MYO1E: variants seen among roughly 807,000 people sequenced by gnomAD.
The protein encoded by MYO1E is unconventional myosin-Ie.
Under a neutral mutation model 151.1 loss-of-function variants are expected in MYO1E, and 68 were observed. The ratio of observed to expected loss-of-function variants is 0.45; its 90% CI spans 0.37 to 0.55. The LOEUF is 0.55. Ranked by LOEUF, MYO1E falls within the 20% of genes least tolerant of loss-of-function variation. The pLI is 0.00. For synonymous variants in MYO1E, 601 were observed against 501.7 expected, an observed-to-expected ratio of 1.20 and a Z score of -2.64; for missense variants, 1,363 against 1,389.3, an observed-to-expected ratio of 0.98 and a Z score of 0.30.
chr15:59,348,705 C>G (rs1242653286), intron 1 of MYO1E: 1 of 151,244 alleles, frequency 6.6e-6, no homozygotes, highest in Non-Finnish European at 1.5e-5. Flanking sequence ...GATCACAGTT[C>G]ACTGCAACCT....
rs2080651330 is a variant in MYO1E, at chr15:59,324,663, G to GCCCCCACCCCC, written c.3+47834_3+47835insGGGGGTGGGGG. 1.4e-5 allele frequency among the ~76,000 whole-genome samples: 2 copies of GCCCCCACCCCC among 147,992 alleles called. 1 individual carries two copies. Among genetic ancestry groups the GCCCCCACCCCC allele is most frequent in the African/African-American group, 5.1e-5 (2 of 39,350 alleles). On this transcript the variant is annotated intron_variant, in intron 1 of 27. Transcript: ENST00000288235. ...CTCGCCGTATTTATCCCCATCCCAA[G>GCCCCCACCCCC]CCCCCCCCCCACAGAGGGCAGCATA...
intron 1 of MYO1E, among the ~76,000 whole-genome samples, chr15:59,329,583 T>C (rs1251038034): frequency 6.6e-6 from 1 of 152,122 alleles, no homozygotes; most frequent in African/African-American, 2.4e-5. Context: ...AATCACAGGG[T>C]GGTGAGCAGC....
intron 25 of MYO1E, among the ~76,000 whole-genome samples, chr15:59,157,072 A>C (rs145706559): frequency 6.6e-6 from 1 of 151,904 alleles, no homozygotes; most frequent in African/African-American, 2.4e-5. Context: ...AGAGTAAAAA[A>C]AAAAAGAGCC....
chr15:59,362,974 TTC>T (rs1465856332), intron 1 of MYO1E, among the ~76,000 whole-genome samples: 5 of 89,522 alleles, frequency 5.6e-5, no homozygotes, highest in Admixed American at 3.0e-4. Context: ...TAGTATGACT[TTC>T]TTTTTTTTTT....
intron 22 of MYO1E, 143 bp downstream of exon 22, chr15:59,171,754 G>T: frequency 9.0e-7 from 1 of 1,106,568 alleles, no homozygotes; most frequent in Non-Finnish European, 1.3e-6. Context: ...CTTCCCTTTG[G>T]GACAAAGGGA....
chr15:59,265,939 C>T (rs2080250978), intron 2 of MYO1E, among the ~76,000 whole-genome samples: 1 of 151,194 alleles, frequency 6.6e-6, no homozygotes, highest in South Asian at 2.1e-4. Flanking sequence ...TGCTCTCCAG[C>T]TTAGGTGACA....
intron 15 of MYO1E, among the ~76,000 whole-genome samples, 160 bp downstream of exon 15, chr15:59,205,240 G>A (rs1455174460): frequency 1.3e-5 from 2 of 152,124 alleles, no homozygotes; most frequent in Non-Finnish European, 2.9e-5. Flanking sequence ...ACAGCTCAGT[G>A]CAGCCTCAAA....
intron 18 of MYO1E, among the ~76,000 whole-genome samples, chr15:59,182,774 C>T (rs949458616): frequency 1.1e-4 from 16 of 152,234 alleles, no homozygotes; most frequent in African/African-American, 2.9e-4. Context: ...GAGACAGATC[C>T]GGATAATCAA....
chr15:59,257,149 CT>C (rs2080198301), intron 3 of MYO1E, among the ~76,000 whole-genome samples: 1 of 152,200 alleles, frequency 6.6e-6, no homozygotes, highest in Non-Finnish European at 1.5e-5. Flanking sequence ...TGACACCTAC[CT>C]TTACCACAAC....
At chr15:59,149,075 G>C (rs1299864033) in intron 26 of MYO1E, among the ~76,000 whole-genome samples, 2 of 60,662 alleles carry the variant, frequency 3.3e-5, no homozygotes, top group East Asian at 7.4e-4. Context: ...TTTTTTTTTT[G>C]AGACAGAGTC....
intron 1 of MYO1E, among the ~76,000 whole-genome samples, chr15:59,362,762 A>C (rs1354991011): frequency 6.6e-6 from 1 of 152,202 alleles, no homozygotes; most frequent in Non-Finnish European, 1.5e-5. Flanking sequence ...ATATTCTGTG[A>C]CCATGTAATG....
At chr15:59,163,057 T>C in intron 23 of MYO1E, 100 bp downstream of exon 23, 1 of 1,395,460 alleles carries the variant, frequency 7.2e-7, no homozygotes, top group Non-Finnish European at 9.9e-7. Context: ...CCCACTCTTC[T>C]CCTCGCAGGC....
chr15:59,301,399 A>C (rs2080481799), intron 1 of MYO1E, among the ~76,000 whole-genome samples: 1 of 152,178 alleles, frequency 6.6e-6, no homozygotes, highest in South Asian at 2.1e-4. Context: ...ATTCCCAGGA[A>C]ATTTTACCCC....
Position 59,284,063 on chromosome 15 carries a change from C to G in MYO1E, c.4-11614G>C, listed in dbSNP as rs755942. Among the ~76,000 whole-genome samples, 99 of 152,358 alleles carry G rather than the reference C, an allele frequency of 6.5e-4. 1 individual carries two copies. The East Asian group carries it at 0.016, about 25-fold the overall frequency. ...TGGCTCTGCACAGCCTTGCATAATG[C>G]AGAGGAAGTTCCGTGCCCTGGAGTC... On this transcript the variant is annotated intron_variant, in intron 1 of 27. Coordinates refer to ENST00000288235, the MANE Select transcript of MYO1E (RefSeq NM_004998.4).
chr15:59,151,410 C>A (rs937167775), intron 26 of MYO1E, among the ~76,000 whole-genome samples: 1 of 151,844 alleles, frequency 6.6e-6, no homozygotes, highest in Non-Finnish European at 1.5e-5. Flanking sequence ...AGCCTGGCAA[C>A]AGAACAAGAC....
intron 15 of MYO1E, among the ~76,000 whole-genome samples, chr15:59,205,068 A>C (rs1468769328): frequency 6.6e-6 from 1 of 152,244 alleles, no homozygotes; most frequent in Non-Finnish European, 1.5e-5. Context: ...TTGAGAAACC[A>C]AATAGATTAA....
At chr15:59,236,369 T>TACACACACACAC (rs56164138) in intron 5 of MYO1E, among the ~76,000 whole-genome samples, 1 of 117,740 alleles carries the variant, frequency 8.5e-6, no homozygotes, top group African/African-American at 3.2e-5. Context: ...AAAAAATATA[T>TACACACACACAC]ACACACACAC....
chr15:59,359,326 A>AT (rs373414121), intron 1 of MYO1E, among the ~76,000 whole-genome samples: 10,873 of 136,392 alleles, frequency 0.08, 471 homozygotes, highest in Non-Finnish European at 0.1. Flanking sequence ...ATATATATAT[A>AT]TTTTTTTTTT....
intron 18 of MYO1E, among the ~76,000 whole-genome samples, chr15:59,182,244 C>A (rs2079666176): frequency 6.6e-6 from 1 of 152,068 alleles, no homozygotes; most frequent in South Asian, 2.1e-4. Flanking sequence ...TGGAGTTCCA[C>A]TCTTGTCGCC....
Sources: gnomAD v4.1 joint callset for allele counts (sites outside exome capture counted in the v4.1 genomes callset) on GRCh38, gnomAD v4.1.1 for gene constraint, MANE v1.5 for transcripts, NCBI Gene and HGNC (gene_info 2026-07-23, HGNC 2026-07-21) for gene names.